The following TBPL1 variants were observed in gnomAD, a reference collection of about 807,000 sequenced individuals.
TBPL1 encodes the protein TATA box-binding protein-like 1.
A neutral mutation model predicts 22.1 loss-of-function variants in TBPL1; 4 were observed. The ratio of observed to expected loss-of-function variants is 0.18; its 90% CI spans 0.09 to 0.41. TBPL1 has a LOEUF of 0.41. TBPL1 is among the 10% of genes least tolerant of loss of function. TBPL1 has a pLI of 1.00. For missense variants in TBPL1, 115 were observed against 222.3 expected (o/e 0.52, Z 3.07); for synonymous variants, 64 against 71.0 (o/e 0.90, Z 0.50).
At chr6:133,956,304 A>C (rs3777894) in intron 1 of TBPL1, among the ~76,000 whole-genome samples, 21,804 of 152,210 alleles carry the variant, frequency 0.14, 2,012 homozygotes, top group African/African-American at 0.27. Context: ...CTGAAACTTA[A>C]ATCCATTTTG....
chr6:133,956,365 G>A (rs1434678190), intron 1 of TBPL1, among the ~76,000 whole-genome samples: 2 of 152,198 alleles, frequency 1.3e-5, no homozygotes, highest in Non-Finnish European at 2.9e-5. Context: ...AGCTGGATGA[G>A]AGAGGTATTT....
intron 1 of TBPL1, among the ~76,000 whole-genome samples, chr6:133,954,022 C>T (rs1174032991): frequency 6.6e-6 from 1 of 152,102 alleles, no homozygotes; most frequent in Non-Finnish European, 1.5e-5. Context: ...GTGGGTAGGG[C>T]TAAGCAGGGA....
intron 2 of TBPL1, 56 bp downstream of exon 2, chr6:133,980,316 A>G: frequency 1.3e-6 from 2 of 1,501,526 alleles, no homozygotes; most frequent in Non-Finnish European, 1.8e-6. Context: ...TAGTTCTATG[A>G]CTAATACTAA....
intron 1 of TBPL1, among the ~76,000 whole-genome samples, chr6:133,957,710 G>A (rs1349299034): frequency 3.9e-5 from 6 of 152,308 alleles, no homozygotes; most frequent in Non-Finnish European, 7.4e-5. Flanking sequence ...TTAATGGCAT[G>A]GCCTTAAATA....
intron 6 of TBPL1, among the ~76,000 whole-genome samples, chr6:133,985,571 G>C (rs571898519): frequency 1.3e-5 from 2 of 151,724 alleles, no homozygotes; most frequent in Non-Finnish European, 2.9e-5. Flanking sequence ...TCAGAGAGTA[G>C]CATTAGCATG....
At chr6:133,985,338 A>ACC (rs1776500376) in intron 6 of TBPL1, among the ~76,000 whole-genome samples, 1 of 121,750 alleles carries the variant, frequency 8.2e-6, no homozygotes, top group Non-Finnish European at 1.6e-5. Context: ...ATATATATAT[A>ACC]CACACATATA....
intron 6 of TBPL1, among the ~76,000 whole-genome samples, chr6:133,985,297 AATAT>A (rs3068194): frequency 0.012 from 528 of 42,774 alleles, 17 homozygotes; most frequent in Middle Eastern, 0.026. Context: ...AAAAAAAAAA[AATAT>A]ATATATATAT....
At chr6:133,964,662 A>G (rs1409764274) in intron 1 of TBPL1, among the ~76,000 whole-genome samples, 3 of 151,742 alleles carry the variant, frequency 2.0e-5, no homozygotes, top group Admixed American at 1.3e-4. Context: ...GTTAGCCAGG[A>G]TGGTCTCGAT....
chr6:133,987,821 T>TTAA lies in TBPL1; in HGVS notation c.*784_*786dup, dbSNP rs1244940120. On this transcript the variant is annotated 3_prime_UTR_variant, in exon 7 of 7. Transcript: ENST00000237264. ...AAGGATAATGTTTTATGTTGCTAATTTAATATGATAGAAAATGTTAAATAA... is the reference window on the plus strand; with the variant it reads ...AAGGATAATGTTTTATGTTGCTAATTTAATAATATGATAGAAAATGTTAAATAA... The TTAA allele has an allele frequency of 3.9e-5, 6 of 152,496 alleles. No homozygotes were observed. The highest frequency in any genetic ancestry group is 1.4e-4 in the African/African-American group (6 of 41,426). 9.4% of individuals were successfully genotyped at this position (152,496 alleles called of 1,614,324 possible).
At chr6:133,959,328 C>T (rs746926965) in intron 1 of TBPL1, among the ~76,000 whole-genome samples, 3 of 152,060 alleles carry the variant, frequency 2.0e-5, no homozygotes, top group African/African-American at 7.2e-5. Flanking sequence ...GCAATGGGCA[C>T]GAGCCACCAT....
chr6:133,966,158 C>T (rs2114341899), intron 1 of TBPL1, among the ~76,000 whole-genome samples: 1 of 152,126 alleles, frequency 6.6e-6, no homozygotes, highest in Middle Eastern at 3.4e-3. Flanking sequence ...TTTTTAATAA[C>T]CTCAAGCTTA....
chr6:133,966,599 A>G (rs2114342880), intron 1 of TBPL1, among the ~76,000 whole-genome samples: 1 of 152,230 alleles, frequency 6.6e-6, no homozygotes, highest in South Asian at 2.1e-4. Flanking sequence ...TTCAGTTCAA[A>G]ATGTCCAAAA....
chr6:133,974,046 A>T (rs1776270774), intron 1 of TBPL1, among the ~76,000 whole-genome samples: 1 of 150,498 alleles, frequency 6.6e-6, no homozygotes, highest in African/African-American at 2.4e-5. Flanking sequence ...CAATTCTCTG[A>T]ATAGAACAGT....
chr6:133,960,015 T>A (rs1775993238), intron 1 of TBPL1, among the ~76,000 whole-genome samples: 1 of 152,236 alleles, frequency 6.6e-6, no homozygotes, highest in South Asian at 2.1e-4. Flanking sequence ...CAGATGCTTC[T>A]GGTGAGCCGC....
At chr6:133,965,268 T>C (rs1776099264) in intron 1 of TBPL1, among the ~76,000 whole-genome samples, 1 of 152,172 alleles carries the variant, frequency 6.6e-6, no homozygotes, top group African/African-American at 2.4e-5. Flanking sequence ...TTTTTAGCTT[T>C]TAAAATTATA....
At chr6:133,966,298 A>G (rs2114342298) in intron 1 of TBPL1, among the ~76,000 whole-genome samples, 1 of 152,304 alleles carries the variant, frequency 6.6e-6, no homozygotes, top group Admixed American at 6.5e-5. Flanking sequence ...GGAGACTATA[A>G]ATAGGAAACA....
At chr6:133,982,730 A>G in intron 3 of TBPL1, 80 bp downstream of exon 3, 1 of 1,585,054 alleles carries the variant, frequency 6.3e-7, no homozygotes, top group Admixed American at 1.8e-5. Context: ...CTTAACAGCA[A>G]AATCATATGT....
chr6:133,978,366 A>G (rs960907985), intron 1 of TBPL1, among the ~76,000 whole-genome samples: 9 of 152,224 alleles, frequency 5.9e-5, no homozygotes, highest in African/African-American at 1.9e-4. Flanking sequence ...GGCATGGTCT[A>G]TTCCATGTTA....
At position 133,983,642 on chromosome 6, in the gene TBPL1, C is replaced by G. The variant is rs1249692750; in HGVS notation, c.283-734C>G. Among the ~76,000 whole-genome samples the G allele has an allele frequency of 4.6e-5, 7 of 152,116 alleles. No individual in the cohort carries two copies. The East Asian group carries it at 1.2e-3, about 25-fold the overall frequency. ...GAGAGTGCTGCCACTTTGCGGTTTCCTGGCTTTGCGCAACTGCTGTGTGCA... is the reference window on the plus strand; with the variant it reads ...GAGAGTGCTGCCACTTTGCGGTTTCGTGGCTTTGCGCAACTGCTGTGTGCA... On this transcript the variant is annotated intron_variant, in intron 4 of 6. Coordinates refer to ENST00000237264, the MANE Select transcript of TBPL1 (RefSeq NM_004865.4).
Sources: allele counts gnomAD v4.1 joint callset (sites outside exome capture counted in the v4.1 genomes callset), GRCh38; gene constraint gnomAD v4.1.1; transcripts MANE v1.5; gene names NCBI Gene and HGNC (gene_info 2026-07-23, HGNC 2026-07-21).